Variants in CRPPA observed in about 807,000 individuals in gnomAD.
CRPPA encodes the protein D-ribitol-5-phosphate cytidylyltransferase.
Under a neutral mutation model 52.0 loss-of-function variants are expected in CRPPA, and 43 were observed. The observed-to-expected ratio is 0.83, with a 90% CI of 0.65 to 1.07. CRPPA has a LOEUF of 1.07. CRPPA is among the 50% of genes least tolerant of loss of function. The pLI is 0.00. For missense variants in CRPPA, 629 were observed against 551.7 expected (o/e 1.14, Z -1.40); for synonymous variants, 250 against 203.5 (o/e 1.23, Z -1.94).
chr7:16,357,956 G>A (rs1387117551), intron 3 of CRPPA, among the ~76,000 whole-genome samples: 4 of 152,180 alleles, frequency 2.6e-5, no homozygotes, highest in Non-Finnish European at 5.9e-5. Context: ...GGGAGTCCCC[G>A]AATGGATGGC....
At chr7:16,269,443 G>C (rs1784036507) in intron 6 of CRPPA, 1 of 152,158 alleles carries the variant, frequency 6.6e-6, no homozygotes, top group Non-Finnish European at 1.5e-5. Flanking sequence ...AAGACATGTT[G>C]AGCCACAACA....
chr7:16,344,558 G>C (rs150584885), intron 3 of CRPPA, among the ~76,000 whole-genome samples: 7 of 151,534 alleles, frequency 4.6e-5, no homozygotes, highest in Middle Eastern at 3.4e-3. Context: ...CAAAAAAAAA[G>C]AATGAGCCTA....
chr7:16,305,945 T>C (rs952345390), intron 4 of CRPPA, among the ~76,000 whole-genome samples: 2 of 152,128 alleles, frequency 1.3e-5, no homozygotes, highest in African/African-American at 2.4e-5. Flanking sequence ...GAAATCAAGA[T>C]ACAAGTAGGA....
chr7:16,367,803 T>G (rs1268490752), intron 3 of CRPPA, among the ~76,000 whole-genome samples: 1 of 152,148 alleles, frequency 6.6e-6, no homozygotes, highest in Non-Finnish European at 1.5e-5. Context: ...GAGGGGTTGT[T>G]TCAATTAAGT....
intron 9 of CRPPA, among the ~76,000 whole-genome samples, chr7:16,215,842 T>C (rs1387887634): frequency 3.9e-5 from 6 of 152,238 alleles, no homozygotes; most frequent in Admixed American, 3.9e-4. Context: ...ATACCTAATA[T>C]GAGATGTTTG....
intron 9 of CRPPA, among the ~76,000 whole-genome samples, chr7:16,117,807 A>G (rs570377919): frequency 1.3e-5 from 2 of 152,322 alleles, no homozygotes; most frequent in South Asian, 2.1e-4. Flanking sequence ...TACTCAGGTT[A>G]CTATTGCCCA....
rs868517618 is a variant in CRPPA at position 16,239,742 on chromosome 7, T to C, written c.1119+18648A>G. 2.1e-4 allele frequency among the ~76,000 whole-genome samples: 32 copies of C among 152,156 alleles called. 1 individual carries two copies. Among genetic ancestry groups the C allele is most frequent in the Admixed American group, 1.3e-4 (2 of 15,276 alleles). On this transcript the variant is annotated intron_variant, in intron 8 of 9. Transcript: ENST00000407010. ...GCATTTCATCTTAAATGTTATAAAC[T>C]GATTTACTAGAATAGCACTGGAAAA...
At chr7:16,386,200 G>T (rs1043765893) in intron 2 of CRPPA, among the ~76,000 whole-genome samples, 1 of 152,188 alleles carries the variant, frequency 6.6e-6, no homozygotes, top group Admixed American at 6.5e-5. Context: ...GAGTTTGGCT[G>T]TCCAGTGGTC....
At chr7:16,156,132 A>T (rs993193604) in intron 9 of CRPPA, among the ~76,000 whole-genome samples, 1 of 151,772 alleles carries the variant, frequency 6.6e-6, no homozygotes, top group Non-Finnish European at 1.5e-5. Flanking sequence ...AAAAAAAAAA[A>T]AATACGCTAT....
chr7:16,255,606 T>C (rs909016176), intron 8 of CRPPA, among the ~76,000 whole-genome samples: 2 of 151,998 alleles, frequency 1.3e-5, no homozygotes, highest in African/African-American at 2.4e-5. Context: ...TATAGACCAA[T>C]GGAACAGAAC....
At chr7:16,217,722 G>A (rs1359999977) in intron 8 of CRPPA, among the ~76,000 whole-genome samples, 9 of 140,870 alleles carry the variant, frequency 6.4e-5, no homozygotes, top group South Asian at 2.5e-4. Flanking sequence ...GAAATGAAGC[G>A]AGAAGGGAAG....
At chr7:16,254,805 GAAAGAAAGAAAGAAAGAAAGA>G (rs1783579297) in intron 8 of CRPPA, among the ~76,000 whole-genome samples, 1 of 133,736 alleles carries the variant, frequency 7.5e-6, no homozygotes, top group Non-Finnish European at 1.7e-5. Flanking sequence ...AAGAAAGAAA[GAAAGAAAGAAAGAAAGAAAGA>G]AAGAAAGAAA....
intron 9 of CRPPA, among the ~76,000 whole-genome samples, chr7:16,101,728 A>G (rs1341046167): frequency 6.6e-6 from 1 of 152,196 alleles, no homozygotes; most frequent in Non-Finnish European, 1.5e-5. Context: ...TGCTTCAAAG[A>G]GAATAGAATA....
chr7:16,125,911 ACACACACAC>A, intron 9 of CRPPA, among the ~76,000 whole-genome samples: 1 of 151,712 alleles, frequency 6.6e-6, no homozygotes, highest in East Asian at 1.9e-4. Flanking sequence ...ACACACACAC[ACACACACAC>A]ACACACACAC....
intron 3 of CRPPA, among the ~76,000 whole-genome samples, chr7:16,375,487 A>T (rs1486907091): frequency 1.3e-5 from 2 of 152,212 alleles, no homozygotes; most frequent in Non-Finnish European, 2.9e-5. Context: ...TAAGTTACTT[A>T]CTTTTAACTA....
rs1175134468 is a variant in CRPPA at position 16,286,044 on chromosome 7, AATATATATATATAT to A, written c.836-7832_836-7819del. Among the ~76,000 whole-genome samples the A allele has an allele frequency of 5.2e-3, 65 of 12,542 alleles. 7 individuals carry two copies. In the East Asian group the frequency reaches 0.081, roughly 16 times the overall value. 8.2% of individuals were successfully genotyped at this position (12,542 alleles called of 152,430 possible). A position where few individuals can be genotyped will look rare whatever the true frequency, so the allele number is the denominator to read the frequency against. ...TCAAAAAAAAAAAAAAAAAAATATAAATATATATATATATATATATATATATATATATATATAAT... is the reference window on the plus strand; with the variant it reads ...TCAAAAAAAAAAAAAAAAAAATATAAATATATATATATATATATATATAAT... On this transcript the variant is annotated intron_variant, in intron 5 of 9. Coordinates refer to ENST00000407010, the MANE Select transcript of CRPPA (RefSeq NM_001101426.4).
rs1305950837 is a variant in CRPPA at position 16,387,088 on chromosome 7, C to CATATATATATATAT, written c.535-10848_535-10847insATATATATATATAT. Among the ~76,000 whole-genome samples, 36 of 34,762 alleles carry CATATATATATATAT rather than the reference C, an allele frequency of 1.0e-3. 1 individual carries two copies. Among genetic ancestry groups the CATATATATATATAT allele is most frequent in the African/African-American group, 4.0e-3 (35 of 8,816 alleles). 22.8% of individuals were successfully genotyped at this position (34,762 alleles called of 152,430 possible). Reference sequence around the variant, plus strand: ...ATATATATATATATATATATATATACACACATATATATATGTATATACACA... The same window carrying CATATATATATATAT: ...ATATATATATATATATATATATATACATATATATATATATACACATATATATATGTATATACACA... On this transcript the variant is annotated intron_variant, in intron 2 of 9. Coordinates refer to ENST00000407010, the MANE Select transcript of CRPPA (RefSeq NM_001101426.4).
chr7:16,399,615 G>A (rs1468026177), intron 2 of CRPPA, among the ~76,000 whole-genome samples: 7 of 152,198 alleles, frequency 4.6e-5, no homozygotes, highest in African/African-American at 1.2e-4. Context: ...TGTCCAACAC[G>A]TGACTGACCC....
At chr7:16,233,623 A>AATG (rs1782866695) in intron 8 of CRPPA, among the ~76,000 whole-genome samples, 1 of 152,194 alleles carries the variant, frequency 6.6e-6, no homozygotes, top group Non-Finnish European at 1.5e-5. Context: ...AAGACAGTAC[A>AATG]ATGATGTATA....
Sources: allele counts gnomAD v4.1 joint callset (sites outside exome capture counted in the v4.1 genomes callset), GRCh38; gene constraint gnomAD v4.1.1; transcripts MANE v1.5; gene names NCBI Gene and HGNC (gene_info 2026-07-23, HGNC 2026-07-21).